Variants in GRAMD2A observed in about 807,000 individuals in gnomAD.
GRAMD2A encodes the protein GRAM domain-containing protein 2A.
GRAMD2A carries 37 observed loss-of-function variants against 51.1 expected under a neutral mutation model. That is an observed-to-expected ratio of 0.72 (90% CI 0.56 to 0.95). GRAMD2A has a LOEUF of 0.95. Ranked by LOEUF, GRAMD2A falls within the 40% of genes least tolerant of loss-of-function variation. GRAMD2A has a pLI of 0.00. For synonymous variants in GRAMD2A, 136 were observed against 157.1 expected, an observed-to-expected ratio of 0.87 and a Z score of 1.01; for missense variants, 414 against 426.9, an observed-to-expected ratio of 0.97 and a Z score of 0.27.
At chr15:72,190,011 T>C (rs141085671) in intron 1 of GRAMD2A, among the ~76,000 whole-genome samples, 4 of 152,274 alleles carry the variant, frequency 2.6e-5, no homozygotes, top group African/African-American at 7.2e-5. Flanking sequence ...CAACAGGAAT[T>C]TCAAAATGTA....
At chr15:72,169,690 G>A (rs2081588672) in intron 2 of GRAMD2A, 157 bp downstream of exon 2, 1 of 697,454 alleles carries the variant, frequency 1.4e-6, no homozygotes, top group Admixed American at 2.1e-5. Context: ...AGTCTTGAGG[G>A]GCGGGAGGAA....
At position 72,170,772 on chromosome 15, in the gene GRAMD2A, G is replaced by A. The variant is rs1340192692; in HGVS notation, c.42-833C>T. ...AGGGGCTGACCAAGAAAGAGAGGGT[G>A]GCCAAGAAGCAGGGCCGTGCTGGGG... On this transcript the variant is annotated intron_variant, in intron 1 of 11. Transcript: ENST00000309731. This position sits in a 1 kb window ranked among gnomAD's most constrained non-coding sequence, Gnocchi z 4.5. 4.6e-5 allele frequency among the ~76,000 whole-genome samples: 7 copies of A among 152,176 alleles called. No individual in the cohort carries two copies. Among genetic ancestry groups the A allele is most frequent in the Admixed American group, 3.9e-4 (6 of 15,288 alleles).
intron 1 of GRAMD2A, among the ~76,000 whole-genome samples, chr15:72,179,104 T>C (rs1455894880): frequency 1.3e-5 from 2 of 152,282 alleles, no homozygotes; most frequent in East Asian, 3.9e-4. Context: ...CAATCCCTTC[T>C]TCCAGGAAGG....
At chr15:72,165,868 G>T (rs28661763) in intron 7 of GRAMD2A, among the ~76,000 whole-genome samples, 1 of 148,644 alleles carries the variant, frequency 6.7e-6, no homozygotes, top group East Asian at 2.0e-4. Context: ...TTTGTTTTTT[G>T]TTTTTTTTTG....
chr15:72,197,341 G>T (rs753229383), intron 1 of GRAMD2A, among the ~76,000 whole-genome samples: 5 of 152,242 alleles, frequency 3.3e-5, no homozygotes, highest in African/African-American at 7.2e-5. Flanking sequence ...TTAGGACTGG[G>T]AGTCGATACC....
Position 72,161,958 on chromosome 15 carries a change from A to G in GRAMD2A, c.*51T>C. The G allele has an allele frequency of 6.2e-7, 1 of 1,604,246 alleles. No homozygotes were observed. The highest frequency in any genetic ancestry group is 8.5e-7 in the Non-Finnish European group (1 of 1,170,992). On this transcript the variant is annotated 3_prime_UTR_variant, in exon 12 of 12. Coordinates refer to ENST00000309731, the MANE Select transcript of GRAMD2A (RefSeq NM_001012642.3). ...CAGGGATCATTGGTGGAGACTTAGC[A>G]CCCAGAACATTCTTCTTGGAGAAGG... is the stretch of plus-strand genomic sequence containing the variant.
intron 3 of GRAMD2A, 55 bp downstream of exon 3, chr15:72,168,884 G>T: frequency 6.6e-7 from 1 of 1,526,526 alleles, no homozygotes; most frequent in Non-Finnish European, 9.1e-7. Context: ...ACTGAATTCT[G>T]GCAGCCCAGG....
intron 1 of GRAMD2A, among the ~76,000 whole-genome samples, chr15:72,184,059 G>A (rs780202892): frequency 3.3e-5 from 5 of 152,222 alleles, no homozygotes; most frequent in Non-Finnish European, 4.4e-5. Context: ...AAAGACCACG[G>A]AGATACTGGG....
intron 1 of GRAMD2A, among the ~76,000 whole-genome samples, chr15:72,180,966 C>G (rs930707340): frequency 6.6e-6 from 1 of 152,204 alleles, no homozygotes; most frequent in Non-Finnish European, 1.5e-5. Context: ...CCTGACTCAA[C>G]CATGGAGGGC....
rs1245462346 is a variant in GRAMD2A, at chr15:72,197,741, C to T, written c.31G>A (p.Glu11Lys). Residue 11 changes from glutamate (E) to lysine (K), a missense_variant, in exon 1 of 12, where the codon GAG becomes AAG. Coordinates refer to ENST00000309731, the MANE Select transcript of GRAMD2A (RefSeq NM_001012642.3). Reference sequence around the variant, plus strand: ...GCCGCAACCCCTTACCCGCCCTCCTCGGTGGCCTCGCTCCGGCTTAAAGCG... The same window carrying T: ...GCCGCAACCCCTTACCCGCCCTCCTTGGTGGCCTCGCTCCGGCTTAAAGCG... MTALSRSEAT[E>K]EGGNQQMHRK... 4.5e-6 allele frequency: 6 copies of T among 1,339,446 alleles called. No individual in the cohort carries two copies. The highest frequency in any genetic ancestry group is 3.0e-5 in the African/African-American group (2 of 65,614). 83.0% of individuals were successfully genotyped at this position (1,339,446 alleles called of 1,614,324 possible).
intron 1 of GRAMD2A, among the ~76,000 whole-genome samples, chr15:72,182,696 A>G (rs760092079): frequency 6.6e-6 from 1 of 152,230 alleles, no homozygotes; most frequent in Non-Finnish European, 1.5e-5. Context: ...GACAGTCACA[A>G]AAACACAAAC....
At chr15:72,179,882 A>G (rs892060751) in intron 1 of GRAMD2A, among the ~76,000 whole-genome samples, 1 of 152,174 alleles carries the variant, frequency 6.6e-6, no homozygotes, top group African/African-American at 2.4e-5. Flanking sequence ...AGCTCCATAC[A>G]TGTCCTCCAT....
At chr15:72,165,325 C>A in intron 8 of GRAMD2A, 29 bp downstream of exon 8, 2 of 1,608,388 alleles carry the variant, frequency 1.2e-6, no homozygotes, top group Non-Finnish European at 1.7e-6. Context: ...GTCAGTCCAG[C>A]AGTCTTTGCT....
Position 72,166,706 on chromosome 15 carries a change from G to A in GRAMD2A, c.472-3C>T, listed in dbSNP as rs1490212592. 6.2e-7 allele frequency: 1 copy of A among 1,612,120 alleles called. No individual in the cohort carries two copies. Among genetic ancestry groups the A allele is most frequent in the East Asian group, 2.2e-5 (1 of 44,880 alleles). ...GAGAGCAGTGACACAAAGATATACT[G>A]GGACATGGAAAGAAAACAGACAGGG... On this transcript the variant is annotated splice_region_variant and splice_polypyrimidine_tract_variant and intron_variant, in intron 6 of 11. Transcript: ENST00000309731. This position sits in a 1 kb window ranked among gnomAD's most constrained non-coding sequence, Gnocchi z 4.1.
At chr15:72,192,357 G>T (rs2081773871) in intron 1 of GRAMD2A, among the ~76,000 whole-genome samples, 1 of 152,288 alleles carries the variant, frequency 6.6e-6, no homozygotes, top group South Asian at 2.1e-4. Context: ...CAATTCTGAA[G>T]TACTGTCACT....
chr15:72,162,933 G>C, intron 10 of GRAMD2A: 1 of 288,746 alleles, frequency 3.5e-6, no homozygotes, highest in Non-Finnish European at 6.5e-6. Context: ...GTGGTGGGCA[G>C]TGGCGAGGCC....
At chr15:72,178,556 G>A (rs1039685047) in intron 1 of GRAMD2A, among the ~76,000 whole-genome samples, 6 of 144,384 alleles carry the variant, frequency 4.2e-5, no homozygotes, top group South Asian at 2.2e-4. Flanking sequence ...CATTATTGCT[G>A]TCTTGCACTT....
At chr15:72,183,151 G>C (rs544108541) in intron 1 of GRAMD2A, among the ~76,000 whole-genome samples, 1 of 151,308 alleles carries the variant, frequency 6.6e-6, no homozygotes, top group East Asian at 1.9e-4. Context: ...GGGATTACAG[G>C]TGTGAGCCAC....
At chr15:72,197,634 G>T in intron 1 of GRAMD2A, 97 bp downstream of exon 1, 1 of 1,013,950 alleles carries the variant, frequency 9.9e-7, no homozygotes, top group Non-Finnish European at 1.2e-6. Flanking sequence ...GCGCCGAGTT[G>T]CCGCGGCCCC....
Sources: allele counts gnomAD v4.1 joint callset (sites outside exome capture counted in the v4.1 genomes callset), GRCh38; gene constraint gnomAD v4.1.1; non-coding constraint Gnocchi (gnomAD v3.1); transcripts MANE v1.5; gene names NCBI Gene and HGNC (gene_info 2026-07-23, HGNC 2026-07-21).